OR4F15: variants seen among roughly 807,000 people sequenced by gnomAD.
The protein encoded by OR4F15 is olfactory receptor family 4 subfamily F member 15.
OR4F15 carries 7 observed loss-of-function variants against 11.9 expected under a neutral mutation model. The ratio of observed to expected loss-of-function variants is 0.59; its 90% confidence interval spans 0.33 to 1.10. The LOEUF is 1.10. Ranked by LOEUF, OR4F15 falls within the 50% of genes least tolerant of loss-of-function variation. OR4F15 has a pLI of 0.03. For missense variants in OR4F15, 445 were observed against 377.5 expected, an observed-to-expected ratio of 1.18 and a Z score of -1.48; for synonymous variants, 151 against 134.6, an observed-to-expected ratio of 1.12 and a Z score of -0.84.
Position 101,819,035 on chromosome 15 carries a change from T to G in OR4F15, c.849T>G (p.Asn283Lys). The G allele has an allele frequency of 2.5e-6, 4 of 1,613,736 alleles. No homozygotes were observed. Among genetic ancestry groups the G allele is most frequent in the Non-Finnish European group, 3.4e-6 (4 of 1,179,882 alleles). Residue 283 changes from asparagine (N) to lysine (K), a missense_variant, in exon 2 of 2, where the codon AAT (asparagine) becomes AAG (lysine). Coordinates refer to ENST00000332238, the MANE Select transcript of OR4F15 (RefSeq NM_001001674.2). The part of the protein sequence containing the change: ...IFDAFITPFL[N>K]PVIYTFRNKD... ...ATGCATTTATTACTCCTTTTCTGAA[T>G]CCAGTTATCTACACATTCAGGAACA...
chr15:101,817,077 T>A (rs997386219), intron 1 of OR4F15, among the ~76,000 whole-genome samples: 1 of 152,210 alleles, frequency 6.6e-6, no homozygotes, highest in Non-Finnish European at 1.5e-5. Context: ...CATTACATAT[T>A]TTATATAAAA....
chr15:101,813,778 T>C (rs1902944314), intron 1 of OR4F15, among the ~76,000 whole-genome samples: 1 of 152,238 alleles, frequency 6.6e-6, no homozygotes, highest in Non-Finnish European at 1.5e-5. Flanking sequence ...GTTAGGTGAA[T>C]TTAAATTTAA....
rs748712394 is a variant in OR4F15, at chr15:101,818,392, T to C, written c.206T>C (p.Ile69Thr). ...TTCCTCCTGGCTAACCTCTCAATCA[T>C]TGATATGGCATTTTGCTCAATTACA... ...MYFLLANLSI[I>T]DMAFCSITAP... Residue 69 changes from isoleucine (I) to threonine (T), a missense_variant, in exon 2 of 2, where the codon ATT becomes ACT. By Grantham distance (89) the Ile-to-Thr change is moderately conservative (BLOSUM62 -1). Coordinates refer to ENST00000332238, the MANE Select transcript of OR4F15 (RefSeq NM_001001674.2). 4.3e-6 allele frequency: 7 copies of C among 1,614,182 alleles called. No individual in the cohort carries two copies. Among genetic ancestry groups the C allele is most frequent in the African/African-American group, 2.7e-5 (2 of 75,064 alleles).
At chr15:101,813,967 C>A (rs1317691269) in intron 1 of OR4F15, among the ~76,000 whole-genome samples, 1 of 152,156 alleles carries the variant, frequency 6.6e-6, no homozygotes, top group Non-Finnish European at 1.5e-5. Flanking sequence ...AGAACACATT[C>A]TTTCCATGGA....
At position 101,818,589 on chromosome 15, in the gene OR4F15, A is replaced by T; in HGVS notation, c.403A>T (p.Ile135Phe). 3 of 1,614,160 alleles carry T rather than the reference A, an allele frequency of 1.9e-6. No homozygotes were observed. In the South Asian group the frequency reaches 3.3e-5, roughly 18 times the overall value. ...AICKPLHYLT[I>F]MSPRMCLYFL... ...ATGTAAACCTCTCCACTACCTGACC[A>T]TCATGAGCCCAAGAATGTGTCTATA... Residue 135 changes from isoleucine (I) to phenylalanine (F), a missense_variant, in exon 2 of 2, where the codon ATC (isoleucine) becomes TTC (phenylalanine). Physicochemically the swap from Ile to Phe is conservative, Grantham distance 21. Transcript: ENST00000332238.
chr15:101,815,132 A>C (rs1412968792), intron 1 of OR4F15, among the ~76,000 whole-genome samples: 6 of 152,162 alleles, frequency 3.9e-5, no homozygotes, highest in Non-Finnish European at 8.8e-5. Context: ...TTAGATGTAA[A>C]TCACAGAATG....
chr15:101,815,812 G>C (rs1432021961), intron 1 of OR4F15, among the ~76,000 whole-genome samples: 1 of 152,134 alleles, frequency 6.6e-6, no homozygotes, highest in Non-Finnish European at 1.5e-5. Flanking sequence ...TATATACCTA[G>C]AATAACTATT....
intron 1 of OR4F15, 139 bp from the exon 2 acceptor site, chr15:101,818,011 A>C: frequency 1.8e-6 from 1 of 570,680 alleles, no homozygotes; most frequent in Non-Finnish European, 3.1e-6. Context: ...CTCTAAGTGG[A>C]AGTCCAGGGT....
chr15:101,818,612 A>G lies in OR4F15; in HGVS notation c.426A>G (p.Leu142=), dbSNP rs1375361860. 1.1e-5 allele frequency: 18 copies of G among 1,614,060 alleles called. No homozygotes were observed. Among genetic ancestry groups the G allele is most frequent in the Admixed American group, 1.7e-5 (1 of 59,998 alleles). Residue 142 remains leucine (L), a synonymous_variant, in exon 2 of 2, where the codon CTA becomes CTG. Coordinates refer to ENST00000332238, the MANE Select transcript of OR4F15 (RefSeq NM_001001674.2). ...CCATCATGAGCCCAAGAATGTGTCT[A>G]TACTTTTTAGCCACTTCCTCTATCA... is the stretch of plus-strand genomic sequence containing the variant. ...YLTIMSPRMC[L]YFLATSSIIG...
chr15:101,814,529 A>T (rs988247631), intron 1 of OR4F15, among the ~76,000 whole-genome samples: 2 of 152,164 alleles, frequency 1.3e-5, no homozygotes, highest in Non-Finnish European at 2.9e-5. Flanking sequence ...TTTTAACCTA[A>T]AAGAAAGCAG....
At chr15:101,815,657 G>A (rs1372511942) in intron 1 of OR4F15, among the ~76,000 whole-genome samples, 5 of 152,136 alleles carry the variant, frequency 3.3e-5, no homozygotes, top group East Asian at 1.9e-4. Flanking sequence ...TGCATTTGCT[G>A]TGGTGAATAT....
At chr15:101,814,884 A>T (rs1463950281) in intron 1 of OR4F15, among the ~76,000 whole-genome samples, 1 of 152,138 alleles carries the variant, frequency 6.6e-6, no homozygotes, top group Non-Finnish European at 1.5e-5. Flanking sequence ...GAAGTTTACC[A>T]CTATTTCTTT....
Position 101,818,697 on chromosome 15 carries a change from C to G in OR4F15, c.511C>G (p.Pro171Ala). The change falls in exon 2 of 2, where the codon CCT (proline) becomes GCT (alanine). Residue 171 changes from proline to alanine, a missense_variant. Pro to Ala is a conservative substitution (Grantham distance 27). Transcript: ENST00000332238. ...VFVVDLPFCG[P>A]NIFDSFYCDL... is the part of the protein sequence containing the mutation. ...TGTGGTAGATTTACCTTTTTGTGGTCCTAATATCTTTGACAGTTTTTACTG... is the reference window on the plus strand; with the variant it reads ...TGTGGTAGATTTACCTTTTTGTGGTGCTAATATCTTTGACAGTTTTTACTG... The G allele has an allele frequency of 1.2e-6, 2 of 1,614,090 alleles. No individual in the cohort carries two copies. The highest frequency in any genetic ancestry group is 1.7e-6 in the Non-Finnish European group (2 of 1,180,010).
At chr15:101,816,487 CGT>C (rs35269954) in intron 1 of OR4F15, among the ~76,000 whole-genome samples, 100 of 148,678 alleles carry the variant, frequency 6.7e-4, no homozygotes, top group Admixed American at 1.7e-3. Flanking sequence ...AAGAATATAA[CGT>C]GTGTGTGTGT....
intron 1 of OR4F15, among the ~76,000 whole-genome samples, chr15:101,813,155 A>G (rs1395567230): frequency 6.6e-6 from 1 of 152,224 alleles, no homozygotes; most frequent in Non-Finnish European, 1.5e-5. Flanking sequence ...ATATCAGCTT[A>G]GTTGAAAGGA....
rs1044857964 is a variant in OR4F15, at chr15:101,818,974, C to T, written c.788C>T (p.Pro263Leu). 5 of 1,614,128 alleles carry T rather than the reference C, an allele frequency of 3.1e-6. No homozygotes were observed. Among genetic ancestry groups the T allele is most frequent in the Admixed American group, 3.3e-5 (2 of 60,016 alleles). Residue 263 changes from proline (P) to leucine (L), a missense_variant, in exon 2 of 2, where the codon CCC (proline) becomes CTC (leucine). Coordinates refer to ENST00000332238, the MANE Select transcript of OR4F15 (RefSeq NM_001001674.2). ...ATGTTTTTCTACACATGGCCTTCTCCCACATCACACCTGGATAAATATCTT... is the reference window on the plus strand; with the variant it reads ...ATGTTTTTCTACACATGGCCTTCTCTCACATCACACCTGGATAAATATCTT... ...PLMFFYTWPS[P>L]TSHLDKYLAI... is the part of the protein sequence containing the mutation.
chr15:101,814,295 C>G (rs905180340), intron 1 of OR4F15, among the ~76,000 whole-genome samples: 2 of 152,176 alleles, frequency 1.3e-5, no homozygotes, highest in African/African-American at 4.8e-5. Context: ...GCAACCAGCC[C>G]TTGATAATCC....
Position 101,818,785 on chromosome 15 carries a change from C to T in OR4F15, c.599C>T (p.Thr200Ile). Residue 200 changes from threonine (T) to isoleucine (I), a missense_variant, in exon 2 of 2, where the codon ACT becomes ATT. Physicochemically the swap from Thr to Ile is moderately conservative, Grantham distance 89. Transcript: ENST00000332238. ...ACCCAAGAACTGGAGTTCATGGTCACTGTCAATAGTGGACTCATTTCTGTG... is the reference window on the plus strand; with the variant it reads ...ACCCAAGAACTGGAGTTCATGGTCATTGTCAATAGTGGACTCATTTCTGTG... ...TNTQELEFMV[T>I]VNSGLISVGS... is the part of the protein sequence containing the mutation. 6.2e-7 allele frequency: 1 copy of T among 1,614,112 alleles called. No individual in the cohort carries two copies. Among genetic ancestry groups the T allele is most frequent in the South Asian group, 1.1e-5 (1 of 91,084 alleles).
chr15:101,814,382 C>T lies in OR4F15; in HGVS notation c.-38+2110C>T, dbSNP rs193169788. 3.3e-5 allele frequency among the ~76,000 whole-genome samples: 5 copies of T among 152,084 alleles called. No individual in the cohort carries two copies. The East Asian group carries it at 9.6e-4, about 29-fold the overall frequency. ...AAGAGTCTCATGTCTTGCATGCATG[C>T]GATCTCCACTAAGGAAAGCCAGCTG... On this transcript the variant is annotated intron_variant, in intron 1 of 1. Coordinates refer to ENST00000332238, the MANE Select transcript of OR4F15 (RefSeq NM_001001674.2).
Sources: allele counts gnomAD v4.1 joint callset (sites outside exome capture counted in the v4.1 genomes callset), GRCh38; gene constraint gnomAD v4.1.1; transcripts MANE v1.5; gene names NCBI Gene and HGNC (gene_info 2026-07-23, HGNC 2026-07-21).